The following MAP3K7 variants were observed in gnomAD, a reference collection of about 807,000 sequenced individuals.
MAP3K7 encodes mitogen-activated protein kinase kinase kinase 7, also known as TGF-beta activated kinase 1.
Under a neutral mutation model 84.8 loss-of-function variants are expected in MAP3K7, and 21 were observed. That is an observed-to-expected ratio of 0.25 (90% confidence interval 0.18 to 0.36). The LOEUF (loss-of-function observed/expected upper bound fraction) is 0.36, where lower values mean the gene tolerates loss of function less well. Among genes scored for constraint, MAP3K7 ranks in the 10% least tolerant of loss-of-function variants. The probability of loss-of-function intolerance (pLI) is 1.00; values close to 1 mark genes in which losing one functional copy is unlikely to be tolerated. For missense variants in MAP3K7, 503 were observed against 747.7 expected (o/e 0.67, Z 3.82); for synonymous variants, 241 against 247.7 (o/e 0.97, Z 0.25).
At chr6:90,563,859 CA>C (rs1163941697) in intron 3 of MAP3K7, among the ~76,000 whole-genome samples, 1 of 152,208 alleles carries the variant, frequency 6.6e-6, no homozygotes, top group Non-Finnish European at 1.5e-5. Context: ...ATCAGACTAA[CA>C]GTGGATCTCT....
chr6:90,522,029 A>G (rs1242904095), intron 14 of MAP3K7, among the ~76,000 whole-genome samples: 1 of 152,190 alleles, frequency 6.6e-6, no homozygotes, highest in African/African-American at 2.4e-5. Context: ...TTGGTTATCA[A>G]TATTTTTCTT....
chr6:90,567,814 A>C (rs1335610627), intron 3 of MAP3K7, among the ~76,000 whole-genome samples: 3 of 152,254 alleles, frequency 2.0e-5, no homozygotes, highest in Admixed American at 1.3e-4. Flanking sequence ...GAACCAACCC[A>C]AATGTCCATC....
At chr6:90,566,010 A>T (rs1776691107) in intron 3 of MAP3K7, among the ~76,000 whole-genome samples, 2 of 152,214 alleles carry the variant, frequency 1.3e-5, no homozygotes, top group Non-Finnish European at 2.9e-5. Flanking sequence ...ACAAAATTCA[A>T]CAGCCCTTCA....
At chr6:90,537,763 CCT>C (rs564845039) in intron 12 of MAP3K7, among the ~76,000 whole-genome samples, 56 of 151,990 alleles carry the variant, frequency 3.7e-4, no homozygotes, top group Middle Eastern at 3.4e-3. Context: ...TTCAACTACC[CCT>C]GTTTCCCAAG....
intron 1 of MAP3K7, among the ~76,000 whole-genome samples, chr6:90,586,530 C>G (rs564712979): frequency 1.9e-4 from 29 of 152,180 alleles, no homozygotes; most frequent in Non-Finnish European, 4.4e-5. Flanking sequence ...ACCGGAATAT[C>G]AAATCCAAAA....
At chr6:90,550,684 A>T in intron 8 of MAP3K7, 135 bp from the exon 9 acceptor site, 1 of 550,184 alleles carries the variant, frequency 1.8e-6, no homozygotes. Context: ...GATTACAATA[A>T]TGTACTCTTG....
intron 1 of MAP3K7, among the ~76,000 whole-genome samples, chr6:90,585,456 C>T (rs1251407698): frequency 6.6e-6 from 1 of 152,094 alleles, no homozygotes; most frequent in Admixed American, 6.6e-5. Context: ...AGACATAACT[C>T]GTTGACAATC....
At chr6:90,583,217 C>T (rs1434798012) in intron 1 of MAP3K7, among the ~76,000 whole-genome samples, 1 of 152,144 alleles carries the variant, frequency 6.6e-6, no homozygotes, top group Non-Finnish European at 1.5e-5. Context: ...GAGTATTACG[C>T]ACAGATGAGA....
At chr6:90,520,877 T>C (rs1290898323) in intron 14 of MAP3K7, among the ~76,000 whole-genome samples, 1 of 152,078 alleles carries the variant, frequency 6.6e-6, no homozygotes, top group Non-Finnish European at 1.5e-5. Context: ...TTCCTCCTGA[T>C]TTACTAGAAA....
chr6:90,561,229 A>AT (rs985522954), intron 4 of MAP3K7, among the ~76,000 whole-genome samples: 19 of 150,704 alleles, frequency 1.3e-4, no homozygotes, highest in African/African-American at 3.2e-4. Flanking sequence ...GAGTTTTCAC[A>AT]TTTTTTTTTG....
In MAP3K7 at chr6:90,587,042, G is replaced by C; in HGVS notation, c.-159C>G. On this transcript the variant is annotated 5_prime_UTR_variant, in exon 1 of 17. Coordinates refer to ENST00000369329, the MANE Select transcript of MAP3K7 (RefSeq NM_145331.3). ...GGGTAGAGGCAGCGGCCACAGCCGT[G>C]TCCGGCTCTGGCTCCGCTGCGTTTT... 1 of 830,462 alleles carries C rather than the reference G, an allele frequency of 1.2e-6. No individual in the cohort carries two copies. Among genetic ancestry groups the C allele is most frequent in the Non-Finnish European group, 1.7e-6 (1 of 586,434 alleles). The allele number at this position is 830,462 out of a possible 1,614,324, so 51.4% of individuals were successfully genotyped here.
intron 10 of MAP3K7, among the ~76,000 whole-genome samples, 197 bp from the exon 11 acceptor site, chr6:90,547,584 G>C: frequency 6.6e-6 from 1 of 152,172 alleles, no homozygotes; most frequent in South Asian, 2.1e-4. Context: ...TGAAAAGGCA[G>C]TCACTAGAAC....
At chr6:90,555,457 G>A (rs1027601811) in intron 6 of MAP3K7, among the ~76,000 whole-genome samples, 13 of 152,164 alleles carry the variant, frequency 8.5e-5, no homozygotes, top group Admixed American at 3.3e-4. Context: ...GGGTTTCACC[G>A]TGTTATACAG....
chr6:90,585,120 A>T (rs964787814), intron 1 of MAP3K7, among the ~76,000 whole-genome samples: 2 of 152,206 alleles, frequency 1.3e-5, no homozygotes, highest in African/African-American at 4.8e-5. Context: ...AGATAAAATG[A>T]AACAGAATTT....
chr6:90,575,343 C>T (rs1777038365), intron 1 of MAP3K7, among the ~76,000 whole-genome samples: 2 of 152,136 alleles, frequency 1.3e-5, no homozygotes, highest in African/African-American at 2.4e-5. Context: ...CTCCCTCCCC[C>T]TTTTCAGGAT....
chr6:90,519,037 A>AT (rs1775062798), intron 15 of MAP3K7, among the ~76,000 whole-genome samples: 2 of 151,920 alleles, frequency 1.3e-5, no homozygotes, highest in South Asian at 4.1e-4. Flanking sequence ...ATACTGGAGG[A>AT]TTTTAAGATG....
At chr6:90,542,798 C>T (rs1415738904) in intron 12 of MAP3K7, among the ~76,000 whole-genome samples, 2 of 151,880 alleles carry the variant, frequency 1.3e-5, no homozygotes, top group Non-Finnish European at 2.9e-5. Context: ...CAGGGGTTTT[C>T]AGCCTCAGCA....
chr6:90,524,860 G>A (rs1144158), intron 13 of MAP3K7, among the ~76,000 whole-genome samples: 21,974 of 152,076 alleles, frequency 0.14, 1,952 homozygotes, highest in Non-Finnish European at 0.2. Context: ...AAAACTCCTT[G>A]TTTTAAATAT....
chr6:90,582,811 G>C (rs1777318852), intron 1 of MAP3K7, among the ~76,000 whole-genome samples: 1 of 150,170 alleles, frequency 6.7e-6, no homozygotes, highest in South Asian at 2.1e-4. Flanking sequence ...ACTGTTCTGT[G>C]TTTACTCCAG....
Sources: allele counts gnomAD v4.1 joint callset (sites outside exome capture counted in the v4.1 genomes callset), GRCh38; gene constraint gnomAD v4.1.1; transcripts MANE v1.5; gene names NCBI Gene and HGNC (gene_info 2026-07-23, HGNC 2026-07-21).